The following IRX2 variants were observed in gnomAD, a reference collection of about 807,000 sequenced individuals.
IRX2 encodes the protein iroquois homeobox 2, also known as iroquois-class homeodomain protein IRX-2.
IRX2 carries 26 observed loss-of-function variants against 42.9 expected under a neutral mutation model. The observed-to-expected ratio is 0.61, with a 90% CI of 0.44 to 0.84. The LOEUF (loss-of-function observed/expected upper bound fraction) is 0.84, where lower values mean the gene tolerates loss of function less well. Ranked by LOEUF, IRX2 falls within the 40% of genes least tolerant of loss-of-function variation. IRX2 has a pLI of 0.00. For synonymous variants in IRX2, 424 were observed against 353.9 expected (o/e 1.20, Z -2.22); for missense variants, 782 against 713.9 (o/e 1.10, Z -1.09).
In IRX2 at chr5:2,748,515, A is replaced by C; in HGVS notation, c.1193T>G (p.Leu398Trp). 1.3e-6 allele frequency: 2 copies of C among 1,582,926 alleles called. No individual in the cohort carries two copies. Among genetic ancestry groups the C allele is most frequent in the African/African-American group, 2.8e-5 (2 of 71,260 alleles). The change falls in exon 3 of 4, where the codon TTG becomes TGG. Residue 398 changes from leucine to tryptophan, a missense_variant. By Grantham distance (61) the Leu-to-Trp change is moderately conservative (BLOSUM62 -2). Coordinates refer to ENST00000302057, the MANE Select transcript of IRX2 (RefSeq NM_033267.5). ...FYGNYTNYGNLNAALQGQGLL... is the reference protein window; with the variant it reads ...FYGNYTNYGNWNAALQGQGLL... ...ACCCTGGCCCTGCAGCGCCGCGTTC[A>C]AGTTCCCGTAGTTTGTGTAGTTGCC...
chr5:2,749,767 G>T lies in IRX2; in HGVS notation c.270C>A (p.His90Gln). The T allele has an allele frequency of 6.2e-7, 1 of 1,609,084 alleles. No individual in the cohort carries two copies. The highest frequency in any genetic ancestry group is 8.5e-7 in the Non-Finnish European group (1 of 1,177,604). The change falls in exon 2 of 4, where the codon CAC becomes CAA. Residue 90 changes from histidine (H) to glutamine (Q), a missense_variant. By Grantham distance (24) the His-to-Gln change is conservative. Coordinates refer to ENST00000302057, the MANE Select transcript of IRX2 (RefSeq NM_033267.5). ...PSYMGAPYDA[H>Q]TTGMTGAISY... ...TGATGGCGCCGGTCATGCCGGTGGT[G>T]TGCGCGTCGTAGGGTGCGCCCTGGA...
In IRX2 at chr5:2,748,997, G is replaced by A. The variant is rs777860417; in HGVS notation, c.711C>T (p.Asp237=). Residue 237 remains aspartate (D), a synonymous_variant, in exon 3 of 4, where the codon GAC becomes GAT. Transcript: ENST00000302057. ...LTDHSCSAES[D]GEKLPCRAGD... Reference sequence around the variant, plus strand: ...CGGCGCGGCACGGAAGCTTCTCCCCGTCCGACTCGGCCGAGCACGAGTGAT... The same window carrying A: ...CGGCGCGGCACGGAAGCTTCTCCCCATCCGACTCGGCCGAGCACGAGTGAT... The A allele has an allele frequency of 7.2e-5, 115 of 1,597,318 alleles. No individual in the cohort carries two copies. The highest frequency in any genetic ancestry group is 9.2e-5 in the Non-Finnish European group (109 of 1,179,456).
chr5:2,751,056 G>C lies in IRX2; in HGVS notation c.249+109C>G. 1 of 1,151,660 alleles carries C rather than the reference G, an allele frequency of 8.7e-7. No individual in the cohort carries two copies. The highest frequency in any genetic ancestry group is 1.1e-6 in the Non-Finnish European group (1 of 930,074). 71.3% of individuals were successfully genotyped at this position (1,151,660 alleles called of 1,614,324 possible). ...GCCGGCGACTCCTGAGTCGCCAGCC[G>C]CGCCACATTCCCGGCGGCCCCCGCC... On this transcript the variant is annotated intron_variant, in intron 1 of 3. Coordinates refer to ENST00000302057, the MANE Select transcript of IRX2 (RefSeq NM_033267.5). The surrounding 1 kb of genome is among the most constrained non-coding windows in gnomAD (Gnocchi z 4.0).
Position 2,751,454 on chromosome 5 carries a change from G to T in IRX2, c.-41C>A. The T allele has an allele frequency of 4.3e-6, 5 of 1,157,196 alleles. No individual in the cohort carries two copies. The highest frequency in any genetic ancestry group is 5.3e-6 in the Non-Finnish European group (5 of 941,500). The allele number at this position is 1,157,196 out of a possible 1,614,324, so 71.7% of individuals were successfully genotyped here. ...CGGGGCCCGCGTCACGCCGAGCAGCGGGCAGGGCGCGCGGCGCCCTCCATC... is the reference window on the plus strand; with the variant it reads ...CGGGGCCCGCGTCACGCCGAGCAGCTGGCAGGGCGCGCGGCGCCCTCCATC... On this transcript the variant is annotated 5_prime_UTR_variant, in exon 1 of 4. Coordinates refer to ENST00000302057, the MANE Select transcript of IRX2 (RefSeq NM_033267.5). This position sits in a 1 kb window ranked among gnomAD's most constrained non-coding sequence, Gnocchi z 4.0.
Position 2,749,780 on chromosome 5 carries a change from G to A in IRX2, c.257C>T (p.Pro86Leu), listed in dbSNP as rs749917871. The change falls in exon 2 of 4, where the codon CCC (proline) becomes CTC (leucine). Residue 86 changes from proline to leucine, a missense_variant. By Grantham distance (98) the Pro-to-Leu change is moderately conservative. Around this residue, in one of 3 missense-constraint regions of IRX2, gnomAD observed 256 missense variants for 250.0 expected, o/e 1.02. Transcript: ENST00000302057. ...CATGCCGGTGGTGTGCGCGTCGTAG[G>A]GTGCGCCCTGGAACCAACAAGAGCC... ...AAGFPSYMGA[P>L]YDAHTTGMTG... The A allele has an allele frequency of 5.6e-6, 9 of 1,603,042 alleles. No homozygotes were observed. Among genetic ancestry groups the A allele is most frequent in the Non-Finnish European group, 8.5e-7 (1 of 1,175,162 alleles).
At position 2,748,395 on chromosome 5, in the gene IRX2, G is replaced by C. The variant is rs571586871; in HGVS notation, c.1313C>G (p.Pro438Arg). Residue 438 changes from proline (P) to arginine (R), a missense_variant, in exon 3 of 4, where the codon CCG becomes CGG. Physicochemically the swap from Pro to Arg is moderately radical, Grantham distance 103. Transcript: ENST00000302057. Reference protein sequence around the residue: ...ASDAGKAGAHPLESHYRSPGG... With the variant: ...ASDAGKAGAHRLESHYRSPGG... ...CGGGGACCGGTAGTGGGACTCGAGC[G>C]GGTGCGCGCCCGCCTTGCCCGCGTC... The C allele has an allele frequency of 1.3e-5, 20 of 1,483,174 alleles. No homozygotes were observed. Among genetic ancestry groups the C allele is most frequent in the Non-Finnish European group, 1.8e-5 (20 of 1,121,896 alleles). 91.9% of individuals were successfully genotyped at this position (1,483,174 alleles called of 1,614,324 possible). A position where few individuals can be genotyped will look rare whatever the true frequency, so the allele number is the denominator to read the frequency against.
chr5:2,747,538 T>C lies in IRX2; in HGVS notation c.*26A>G. 3 of 1,610,588 alleles carry C rather than the reference T, an allele frequency of 1.9e-6. No homozygotes were observed. Among genetic ancestry groups the C allele is most frequent in the South Asian group, 1.1e-5 (1 of 91,010 alleles). ...TCTGGGAAGCACCAGGGTGCCCACTTACTTGCATTGCTGTGCTCGGCCCTT... is the reference window on the plus strand; with the variant it reads ...TCTGGGAAGCACCAGGGTGCCCACTCACTTGCATTGCTGTGCTCGGCCCTT... On this transcript the variant is annotated 3_prime_UTR_variant, in exon 4 of 4. Transcript: ENST00000302057.
downstream of IRX2, among the ~76,000 whole-genome samples, chr5:2,744,312 TTTA>T (rs2111438274): frequency 6.6e-6 from 1 of 152,334 alleles, no homozygotes; most frequent in South Asian, 2.1e-4. Context: ...TCTTTCCGTG[TTTA>T]TTTTGTTAAA....
chr5:2,737,208 A>G, the IRX2 span: 1 of 152,224 alleles, frequency 6.6e-6, no homozygotes, highest in Non-Finnish European at 1.5e-5. Context: ...TTTAACATCC[A>G]CGTGGGTAGC....
chr5:2,749,452 G>A lies in IRX2; in HGVS notation c.585C>T (p.Asp195=), dbSNP rs781161297. The part of the protein sequence containing the change: ...KSEDEDEDEG[D]ATRSKDESPD... ...GACTCTCGTCCTTGCTTCTGGTAGCGTCGCCCTCGTCCTCGTCCTCATCTT... is the reference window on the plus strand; with the variant it reads ...GACTCTCGTCCTTGCTTCTGGTAGCATCGCCCTCGTCCTCGTCCTCATCTT... Residue 195 remains aspartate (D), a synonymous_variant, in exon 2 of 4, where the codon GAC becomes GAT. Transcript: ENST00000302057. The A allele has an allele frequency of 1.2e-5, 20 of 1,614,136 alleles. No individual in the cohort carries two copies. In the South Asian group the frequency reaches 2.2e-4, roughly 18 times the overall value.
Position 2,751,373 on chromosome 5 carries a change from G to T in IRX2, c.41C>A (p.Ser14Ter), listed in dbSNP as rs1294980817. Residue 14 changes from serine to a stop codon, truncating the protein, a stop_gained, in exon 1 of 4, where the codon TCG becomes TAG. Coordinates refer to ENST00000302057, the MANE Select transcript of IRX2 (RefSeq NM_033267.5). LOFTEE classifies it high-confidence loss of function. The surrounding 1 kb of genome is among the most constrained non-coding windows in gnomAD (Gnocchi z 4.0). ...PQGYLYQAPG[S>*]LALYSCPAYG... ...GGCCGGGCACGAGTAGAGCGCCAGC[G>T]AGCCGGGCGCCTGGTACAGGTAGCC... 1 of 1,426,702 alleles carries T rather than the reference G, an allele frequency of 7.0e-7. No individual in the cohort carries two copies. The highest frequency in any genetic ancestry group is 9.2e-7 in the Non-Finnish European group (1 of 1,089,764). The allele number at this position is 1,426,702 out of a possible 1,614,324, so 88.4% of individuals were successfully genotyped here.
rs1317283612 is a variant in IRX2 at position 2,747,271 on chromosome 5, T to C, written c.*293A>G. ...GTACTATATATATACATGTACTATA[T>C]ATATACATATATATATTACACACAC... On this transcript the variant is annotated 3_prime_UTR_variant, in exon 4 of 4. Transcript: ENST00000302057. 1 of 197,516 alleles carries C rather than the reference T, an allele frequency of 5.1e-6. No individual in the cohort carries two copies. Among genetic ancestry groups the C allele is most frequent in the East Asian group, 1.0e-4 (1 of 9,748 alleles). 12.2% of individuals were successfully genotyped at this position (197,516 alleles called of 1,614,324 possible).
intron 1 of IRX2, among the ~76,000 whole-genome samples, chr5:2,750,344 T>C (rs1490778791): frequency 6.6e-6 from 1 of 152,274 alleles, no homozygotes. Flanking sequence ...ATTCGAGGCA[T>C]TTGCAGCCTT....
At chr5:2,739,058 A>T in the IRX2 span, among the ~76,000 whole-genome samples, 1 of 152,124 alleles carries the variant, frequency 6.6e-6, no homozygotes, top group African/African-American at 2.4e-5. Flanking sequence ...CACCACCTCC[A>T]GGCAGCCCTC....
intron 2 of IRX2, 96 bp downstream of exon 2, chr5:2,749,286 G>T: frequency 6.7e-7 from 1 of 1,491,300 alleles, no homozygotes; most frequent in Non-Finnish European, 8.9e-7. Flanking sequence ...GCCCGGACCT[G>T]GGGTGTCCGG....
At chr5:2,743,935 A>G (rs1485982291), downstream of IRX2, among the ~76,000 whole-genome samples, 1 of 152,210 alleles carries the variant, frequency 6.6e-6, no homozygotes, top group Non-Finnish European at 1.5e-5. Flanking sequence ...CAGGAGACAG[A>G]GTGGGTAAGT....
At chr5:2,740,774 C>A in the IRX2 span, among the ~76,000 whole-genome samples, 1 of 152,158 alleles carries the variant, frequency 6.6e-6, no homozygotes, top group Non-Finnish European at 1.5e-5. Flanking sequence ...GCCGGGCCAG[C>A]GCCTCCAGCT....
At position 2,749,548 on chromosome 5, in the gene IRX2, G is replaced by C. The variant is rs146462056; in HGVS notation, c.489C>G (p.Thr163=). ...ITKMTLTQVS[T]WFANARRRLK... is the part of the protein sequence containing the mutation. ...GGCGCCGGCGCGCGTTGGCGAACCA[G>C]GTGGAGACCTGGGTGAGGGTCATCT... Residue 163 remains threonine (T), a synonymous_variant, in exon 2 of 4, where the codon ACC becomes ACG. Coordinates refer to ENST00000302057, the MANE Select transcript of IRX2 (RefSeq NM_033267.5). 4 of 1,614,132 alleles carry C rather than the reference G, an allele frequency of 2.5e-6. No individual in the cohort carries two copies. The African/African-American group carries it at 5.3e-5, about 22-fold the overall frequency.
Position 2,749,724 on chromosome 5 carries a change from T to C in IRX2, c.313A>G (p.Ser105Gly), listed in dbSNP as rs142972078. The change falls in exon 2 of 4, where the codon AGC (serine) becomes GGC (glycine). Residue 105 changes from serine (S) to glycine (G), a missense_variant. This residue lies in a region of IRX2 where 256 missense variants were observed against 250.0 expected (regional missense o/e 1.02). Transcript: ENST00000302057. ...TGAISYHPYG[S>G]AAYPYQLNDP... ...TTGAGCTGGTACGGGTAGGCCGCGCTGCCGTACGGGTGGTAGCTGATGGCG... is the reference window on the plus strand; with the variant it reads ...TTGAGCTGGTACGGGTAGGCCGCGCCGCCGTACGGGTGGTAGCTGATGGCG... 427 of 1,613,812 alleles carry C rather than the reference T, an allele frequency of 2.6e-4. No individual in the cohort carries two copies. The highest frequency in any genetic ancestry group is 5.5e-4 in the Admixed American group (33 of 60,002).
Sources: gnomAD v4.1 joint callset for allele counts (sites outside exome capture counted in the v4.1 genomes callset) on GRCh38, gnomAD v4.1.1 for gene constraint, gnomAD v4.1.1 regional missense constraint, Gnocchi (gnomAD v3.1) non-coding constraint, MANE v1.5 for transcripts, NCBI Gene and HGNC (gene_info 2026-07-23, HGNC 2026-07-21) for gene names.